The following CERS6 variants were observed in gnomAD, a reference collection of about 807,000 sequenced individuals.
The protein encoded by CERS6 is LAG1 homolog, ceramide synthase 6.
CERS6 carries 26 observed loss-of-function variants against 56.8 expected under a neutral mutation model. The observed-to-expected ratio is 0.46, with a 90% CI of 0.34 to 0.63. The LOEUF (loss-of-function observed/expected upper bound fraction) is 0.63. Among genes scored for constraint, CERS6 ranks in the 30% least tolerant of loss-of-function variants. The pLI, the probability that CERS6 is intolerant of heterozygous loss-of-function variation, is 0.01. For missense variants in CERS6, 415 were observed against 467.5 expected, an observed-to-expected ratio of 0.89 and a Z score of 1.04; for synonymous variants, 164 against 173.3, an observed-to-expected ratio of 0.95 and a Z score of 0.42.
chr2:168,460,648 T>C (rs1693762313), intron 1 of CERS6, among the ~76,000 whole-genome samples: 1 of 152,252 alleles, frequency 6.6e-6, no homozygotes, highest in African/African-American at 2.4e-5. Context: ...AAAGATTCTA[T>C]AGAGAAAGCA....
At chr2:168,515,648 T>G (rs564473811) in intron 1 of CERS6, among the ~76,000 whole-genome samples, 2 of 152,344 alleles carry the variant, frequency 1.3e-5, no homozygotes, top group East Asian at 3.9e-4. Context: ...TGACAAGTAA[T>G]TTTAAGAGGC....
intron 4 of CERS6, among the ~76,000 whole-genome samples, chr2:168,641,574 G>T (rs75283199): frequency 0.13 from 19,480 of 152,042 alleles, 1,552 homozygotes; most frequent in East Asian, 0.18. Flanking sequence ...GTTCTTTGTG[G>T]ATCCCCTCAC....
At chr2:168,746,803 AT>A (rs1684114866) in intron 8 of CERS6, among the ~76,000 whole-genome samples, 2 of 111,324 alleles carry the variant, frequency 1.8e-5, no homozygotes, top group African/African-American at 7.5e-5. Context: ...ATATATATAT[AT>A]ATATATATAT....
intron 3 of CERS6, among the ~76,000 whole-genome samples, chr2:168,614,940 C>A (rs1337112793): frequency 6.6e-6 from 1 of 152,100 alleles, no homozygotes; most frequent in Non-Finnish European, 1.5e-5. Flanking sequence ...ATTAAACAAC[C>A]AAAACTTAAG....
At chr2:168,703,922 A>G (rs1227346144) in intron 6 of CERS6, among the ~76,000 whole-genome samples, 2 of 152,294 alleles carry the variant, frequency 1.3e-5, no homozygotes, top group East Asian at 3.9e-4. Flanking sequence ...AAGCAGGGAA[A>G]AAGAGCAGCT....
intron 1 of CERS6, among the ~76,000 whole-genome samples, chr2:168,461,347 G>A (rs886728195): frequency 1.3e-5 from 2 of 151,814 alleles, no homozygotes; most frequent in African/African-American, 2.4e-5. Flanking sequence ...GCTTCAGGCC[G>A]GGTGCAGTGG....
chr2:168,564,087 G>A (rs1192554231), intron 3 of CERS6, among the ~76,000 whole-genome samples: 1 of 152,090 alleles, frequency 6.6e-6, no homozygotes. Flanking sequence ...TCTTTAATGT[G>A]TTAATGACAC....
chr2:168,615,046 A>G (rs757987857), intron 3 of CERS6, among the ~76,000 whole-genome samples: 15 of 152,248 alleles, frequency 9.9e-5, no homozygotes, highest in Non-Finnish European at 1.8e-4. Flanking sequence ...CACAGGACCC[A>G]GTGTAGACAA....
At chr2:168,590,257 T>C (rs923777638) in intron 3 of CERS6, among the ~76,000 whole-genome samples, 2 of 152,232 alleles carry the variant, frequency 1.3e-5, no homozygotes, top group Non-Finnish European at 2.9e-5. Flanking sequence ...TCTCCTTTGG[T>C]TTAAAGGCTG....
chr2:168,490,589 G>A (rs556060508), intron 1 of CERS6, among the ~76,000 whole-genome samples: 1 of 152,276 alleles, frequency 6.6e-6, no homozygotes, highest in Non-Finnish European at 1.5e-5. Context: ...TGAGTATCGA[G>A]CACATGCTTC....
chr2:168,592,088 G>T (rs1040979234), intron 3 of CERS6, among the ~76,000 whole-genome samples: 2 of 152,248 alleles, frequency 1.3e-5, no homozygotes, highest in African/African-American at 4.8e-5. Context: ...TAGGAGGGGG[G>T]ATGAGAATAA....
At chr2:168,666,055 G>GC (rs1364745812) in intron 4 of CERS6, among the ~76,000 whole-genome samples, 1 of 150,222 alleles carries the variant, frequency 6.7e-6, no homozygotes, top group Admixed American at 6.7e-5. Context: ...CCTTCACCCT[G>GC]CCATCATCAC....
rs139045631 is a variant in CERS6, at chr2:168,485,744, A to G, written c.170+29126A>G. ...TAAACAAGTCACAGTTTATTCACCTATTAAAGGACGTCTTGGTTGTGTCCA... is the reference window on the plus strand; with the variant it reads ...TAAACAAGTCACAGTTTATTCACCTGTTAAAGGACGTCTTGGTTGTGTCCA... On this transcript the variant is annotated intron_variant, in intron 1 of 9. Transcript: ENST00000305747. Among the ~76,000 whole-genome samples, 20 of 152,256 alleles carry G rather than the reference A, an allele frequency of 1.3e-4. No homozygotes were observed. The East Asian group carries it at 3.7e-3, about 28-fold the overall frequency.
At chr2:168,699,116 G>A (rs182876593) in intron 6 of CERS6, among the ~76,000 whole-genome samples, 36 of 152,276 alleles carry the variant, frequency 2.4e-4, no homozygotes, top group Non-Finnish European at 3.4e-4. Flanking sequence ...GCGTCTTGCT[G>A]AATGGCCCCA....
At chr2:168,569,235 A>G (rs946135425) in intron 3 of CERS6, among the ~76,000 whole-genome samples, 6 of 152,112 alleles carry the variant, frequency 3.9e-5, no homozygotes, top group East Asian at 1.9e-4. Context: ...AAGAACACCA[A>G]TCATATTGGA....
chr2:168,577,617 G>A (rs950214089), intron 3 of CERS6, among the ~76,000 whole-genome samples: 1 of 152,180 alleles, frequency 6.6e-6, no homozygotes, highest in African/African-American at 2.4e-5. Context: ...GGCAGGAGGC[G>A]CTGGGGTGTG....
At chr2:168,603,709 T>C (rs1683987747) in intron 3 of CERS6, among the ~76,000 whole-genome samples, 1 of 152,238 alleles carries the variant, frequency 6.6e-6, no homozygotes. Flanking sequence ...ATTGTAATTA[T>C]AGCTTCCATG....
At chr2:168,470,353 G>T (rs1261302098) in intron 1 of CERS6, among the ~76,000 whole-genome samples, 2 of 152,100 alleles carry the variant, frequency 1.3e-5, no homozygotes, top group Non-Finnish European at 2.9e-5. Flanking sequence ...ATAAGAAATG[G>T]CTTCTCTGTC....
At chr2:168,485,545 T>C (rs146169574) in intron 1 of CERS6, among the ~76,000 whole-genome samples, 145 of 152,318 alleles carry the variant, frequency 9.5e-4, no homozygotes, top group African/African-American at 2.9e-3. Flanking sequence ...CTGATCTTTT[T>C]ACCATATCTA....
Sources: gnomAD v4.1 joint callset for allele counts (sites outside exome capture counted in the v4.1 genomes callset) on GRCh38, gnomAD v4.1.1 for gene constraint, MANE v1.5 for transcripts, NCBI Gene and HGNC (gene_info 2026-07-23, HGNC 2026-07-21) for gene names.